Variants in DRC8 observed in about 807,000 individuals in gnomAD.
The protein encoded by DRC8 is dynein regulatory complex subunit 8, also known as dynein regulatory complex protein 8.
At chr1:245,111,667 C>T in the DRC8 span, among the ~76,000 whole-genome samples, 2 of 152,180 alleles carry the variant, frequency 1.3e-5, no homozygotes, top group Admixed American at 6.5e-5. Flanking sequence ...CCTGTTGGCA[C>T]CTGAACCCAC....
At chr1:245,050,257 T>C in the DRC8 span, among the ~76,000 whole-genome samples, 1 of 152,206 alleles carries the variant, frequency 6.6e-6, no homozygotes, top group Non-Finnish European at 1.5e-5. Context: ...CCTTTTTTTA[T>C]TAGACGGATT....
the DRC8 span, chr1:244,970,859 G>C: frequency 3.9e-6 from 1 of 256,200 alleles, no homozygotes; most frequent in South Asian, 7.0e-5. Flanking sequence ...TGCTGATAAT[G>C]GCGTCGTTGT....
chr1:245,102,130 T>C, the DRC8 span, among the ~76,000 whole-genome samples: 11 of 152,206 alleles, frequency 7.2e-5, no homozygotes, highest in Admixed American at 6.5e-5. Flanking sequence ...ACTGGTTAAA[T>C]GGAGACCACA....
At chr1:245,047,992 AAG>A in the DRC8 span, among the ~76,000 whole-genome samples, 12 of 145,628 alleles carry the variant, frequency 8.2e-5, no homozygotes, top group Non-Finnish European at 1.5e-4. Context: ...AAAAAAAAAA[AAG>A]GAAGAGAAAA....
the DRC8 span, among the ~76,000 whole-genome samples, chr1:245,002,827 G>A: frequency 2.2e-4 from 33 of 151,258 alleles, no homozygotes; most frequent in Non-Finnish European, 4.0e-4. Context: ...AATATAAAGG[G>A]TAATCACTTA....
At chr1:244,993,665 T>C in the DRC8 span, among the ~76,000 whole-genome samples, 1 of 152,202 alleles carries the variant, frequency 6.6e-6, no homozygotes, top group Admixed American at 6.5e-5. Context: ...ATTTCTCACA[T>C]TTCTGGAGGC....
the DRC8 span, among the ~76,000 whole-genome samples, chr1:245,040,068 G>A: frequency 1.3e-5 from 2 of 152,172 alleles, no homozygotes; most frequent in African/African-American, 4.8e-5. Context: ...AGTAGCATCC[G>A]TTGGTCAATC....
the DRC8 span, among the ~76,000 whole-genome samples, chr1:244,987,641 A>ATT: frequency 0.58 from 85,342 of 148,110 alleles, 25,220 homozygotes; most frequent in East Asian, 0.75. Context: ...TGGATTCTTG[A>ATT]TTTTTTTTTT....
At chr1:245,016,845 C>T in the DRC8 span, among the ~76,000 whole-genome samples, 1 of 152,146 alleles carries the variant, frequency 6.6e-6, no homozygotes, top group African/African-American at 2.4e-5. Flanking sequence ...GATAAGCAAA[C>T]AGTATCTGTT....
chr1:244,970,259 G>A, the DRC8 span: 1 of 738,268 alleles, frequency 1.4e-6, no homozygotes, highest in South Asian at 1.5e-5. Context: ...CGCGCGCTCG[G>A]AGCCTCCTCC....
chr1:245,113,061 C>T, the DRC8 span, among the ~76,000 whole-genome samples: 1 of 152,136 alleles, frequency 6.6e-6, no homozygotes, highest in Admixed American at 6.6e-5. Context: ...GCCCCTGATA[C>T]TATTTTGAGT....
the DRC8 span, among the ~76,000 whole-genome samples, chr1:245,119,476 A>AACTCTCT: frequency 6.6e-6 from 1 of 151,798 alleles, no homozygotes; most frequent in Non-Finnish European, 1.5e-5. Flanking sequence ...CAGTCTCGGC[A>AACTCTCT]ACAAAGCGAG....
the DRC8 span, among the ~76,000 whole-genome samples, chr1:244,990,954 A>G: frequency 6.6e-6 from 1 of 152,202 alleles, no homozygotes; most frequent in South Asian, 2.1e-4. Context: ...GAGTCCTACA[A>G]TTCAACTCAA....
chr1:245,031,801 T>A, the DRC8 span, among the ~76,000 whole-genome samples: 4 of 152,132 alleles, frequency 2.6e-5, no homozygotes, highest in African/African-American at 9.7e-5. Context: ...CAGGGAGGGC[T>A]GATGGGGTAT....
At chr1:244,991,884 TAAAG>T in the DRC8 span, among the ~76,000 whole-genome samples, 4 of 152,220 alleles carry the variant, frequency 2.6e-5, no homozygotes, top group East Asian at 1.9e-4. Context: ...GTGTAGAAAG[TAAAG>T]AAAGCTGTTA....
At chr1:245,088,386 G>A in the DRC8 span, among the ~76,000 whole-genome samples, 2 of 149,194 alleles carry the variant, frequency 1.3e-5, no homozygotes, top group African/African-American at 5.1e-5. The surrounding 1 kb of genome is among the most constrained non-coding windows in gnomAD (Gnocchi z 4.6). Context: ...CACTATATGT[G>A]TGTATCTACA....
chr1:245,062,990 C>T, the DRC8 span, among the ~76,000 whole-genome samples: 11 of 152,300 alleles, frequency 7.2e-5, no homozygotes, highest in African/African-American at 2.4e-4. Flanking sequence ...ATCTAGTCAA[C>T]CCTGGCTTGC....
chr1:244,993,789 G>C, the DRC8 span, among the ~76,000 whole-genome samples: 68 of 152,264 alleles, frequency 4.5e-4, no homozygotes, highest in African/African-American at 1.6e-3. Context: ...TTCTTGTTAA[G>C]GAACCCACTC....
chr1:245,121,939 C>T, the DRC8 span: 4 of 418,236 alleles, frequency 9.6e-6, no homozygotes, highest in African/African-American at 2.1e-5. Context: ...CGCTCCGTCG[C>T]CCAGGCTGAA....
Sources: gnomAD v4.1 joint callset for allele counts (sites outside exome capture counted in the v4.1 genomes callset) on GRCh38, gnomAD v4.1.1 for gene constraint, Gnocchi (gnomAD v3.1) non-coding constraint, MANE v1.5 for transcripts, NCBI Gene and HGNC (gene_info 2026-07-23, HGNC 2026-07-21) for gene names.